Variants in CADM1 observed in about 807,000 individuals in gnomAD.
CADM1 encodes the protein cell adhesion molecule 1.
A neutral mutation model predicts 53.1 loss-of-function variants in CADM1; 15 were observed. The ratio of observed to expected loss-of-function variants is 0.28; its 90% CI spans 0.19 to 0.44. The LOEUF is 0.44. Ranked by LOEUF, CADM1 falls within the 20% of genes least tolerant of loss-of-function variation. The pLI is 1.00. For missense variants in CADM1, 434 were observed against 611.3 expected (o/e 0.71, Z 3.06); for synonymous variants, 281 against 243.0 (o/e 1.16, Z -1.45).
chr11:115,359,437 A>AC (rs1403298723), intron 1 of CADM1, among the ~76,000 whole-genome samples: 1 of 152,178 alleles, frequency 6.6e-6, no homozygotes, highest in East Asian at 1.9e-4. Flanking sequence ...TATAGTAGAT[A>AC]CCCCAATAAA....
chr11:115,254,430 T>C (rs1942707500), intron 1 of CADM1, among the ~76,000 whole-genome samples: 2 of 152,254 alleles, frequency 1.3e-5, no homozygotes, highest in Non-Finnish European at 2.9e-5. Flanking sequence ...CCAATACTTT[T>C]CGATATCTCG....
At chr11:115,184,137 T>C (rs1939435758) in intron 10 of CADM1, among the ~76,000 whole-genome samples, 1 of 151,968 alleles carries the variant, frequency 6.6e-6, no homozygotes, top group Admixed American at 6.5e-5. Context: ...TACTTCTTGC[T>C]AGGAAGAAAG....
At chr11:115,340,658 A>ATATATATATATATATATTTTTTT (rs60532835) in intron 1 of CADM1, among the ~76,000 whole-genome samples, 1 of 34,944 alleles carries the variant, frequency 2.9e-5, no homozygotes, top group African/African-American at 1.4e-4. Flanking sequence ...ATATATATAT[A>ATATATATATATATATATTTTTTT]TTTTTTTTTT....
chr11:115,171,816 T>A lies in CADM1; in HGVS notation c.*4658A>T, dbSNP rs1286516140. 1 of 152,218 alleles carries A rather than the reference T, an allele frequency of 6.6e-6. No homozygotes were observed. Among genetic ancestry groups the A allele is most frequent in the Non-Finnish European group, 1.5e-5 (1 of 68,064 alleles). The allele number at this position is 152,218 out of a possible 1,614,324, so 9.4% of individuals were successfully genotyped here. The stretch of plus-strand genomic sequence containing the variant: ...ACGTGGCTTGGAATAAGTCTGCTAA[T>A]GAATGGTGAAGAGAAAAGGGTCATT... On this transcript the variant is annotated 3_prime_UTR_variant, in exon 12 of 12. Coordinates refer to ENST00000331581, the MANE Select transcript of CADM1 (RefSeq NM_001301043.2).
intron 1 of CADM1, among the ~76,000 whole-genome samples, chr11:115,372,163 A>G (rs1393598830): frequency 6.6e-6 from 1 of 152,202 alleles, no homozygotes; most frequent in Non-Finnish European, 1.5e-5. Flanking sequence ...TGCCAAAAAA[A>G]GTCTGTACTC....
intron 1 of CADM1, among the ~76,000 whole-genome samples, chr11:115,481,152 C>T (rs1443545850): frequency 6.6e-6 from 1 of 152,186 alleles, no homozygotes; most frequent in Non-Finnish European, 1.5e-5. Flanking sequence ...CCAGTCAAGC[C>T]TCTTCAAACA....
Position 115,173,578 on chromosome 11 carries a change from C to T in CADM1, c.*2896G>A, listed in dbSNP as rs1040411557. 1.0e-4 allele frequency: 20 copies of T among 195,400 alleles called. No individual in the cohort carries two copies. Among genetic ancestry groups the T allele is most frequent in the African/African-American group, 4.7e-4 (20 of 42,410 alleles). The allele number at this position is 195,400 out of a possible 1,614,324, so 12.1% of individuals were successfully genotyped here. On this transcript the variant is annotated 3_prime_UTR_variant, in exon 12 of 12. Transcript: ENST00000331581. ...AGCTGGGACCAGAGGCCCATCTCTT[C>T]TCTCACTCGGAGGCGTCCATAAGAA... is the stretch of plus-strand genomic sequence containing the variant.
intron 1 of CADM1, among the ~76,000 whole-genome samples, chr11:115,318,206 C>A (rs1452803333): frequency 6.6e-6 from 1 of 152,146 alleles, no homozygotes; most frequent in Non-Finnish European, 1.5e-5. Context: ...TGCATCAATT[C>A]CCTTCCATCC....
chr11:115,377,095 T>C (rs1591760502), intron 1 of CADM1: 1 of 152,176 alleles, frequency 6.6e-6, no homozygotes, highest in Admixed American at 6.5e-5. Flanking sequence ...GGTAATTGCA[T>C]AGCTCATTAA....
chr11:115,197,015 G>A lies in CADM1; in HGVS notation c.1111+1391C>T, dbSNP rs147994569. 3.5e-3 allele frequency among the ~76,000 whole-genome samples: 538 copies of A among 152,328 alleles called. 3 individuals are homozygous for A. Among genetic ancestry groups the A allele is most frequent in the African/African-American group, 0.012 (507 of 41,594 alleles). ...TTTCTCATGACTGTCAGCACACCTA[G>A]CCCCTTTAAGTTATTTTATGAACTT... On this transcript the variant is annotated intron_variant, in intron 9 of 11. Transcript: ENST00000331581.
intron 1 of CADM1, among the ~76,000 whole-genome samples, chr11:115,433,830 T>C (rs978787572): frequency 2.0e-5 from 3 of 152,226 alleles, no homozygotes; most frequent in African/African-American, 4.8e-5. Context: ...GAGGACATTT[T>C]AGGATGCCTT....
intron 1 of CADM1, among the ~76,000 whole-genome samples, chr11:115,501,426 T>C (rs1277786886): frequency 6.6e-6 from 1 of 152,000 alleles, no homozygotes; most frequent in Non-Finnish European, 1.5e-5. Context: ...CCACCAGCCA[T>C]CTTCTCTAAT....
intron 6 of CADM1, among the ~76,000 whole-genome samples, chr11:115,215,516 C>G (rs1322103779): frequency 6.6e-6 from 1 of 152,168 alleles, no homozygotes; most frequent in Non-Finnish European, 1.5e-5. Flanking sequence ...TCCCCAAGCT[C>G]GTGGGTAGGG....
intron 3 of CADM1, among the ~76,000 whole-genome samples, chr11:115,232,805 A>G (rs1941867968): frequency 6.6e-6 from 1 of 152,228 alleles, no homozygotes; most frequent in Non-Finnish European, 1.5e-5. Context: ...ATCTAAGAAT[A>G]TATGTCCTGA....
At chr11:115,496,926 A>C (rs1949631791) in intron 1 of CADM1, among the ~76,000 whole-genome samples, 1 of 152,218 alleles carries the variant, frequency 6.6e-6, no homozygotes, top group African/African-American at 2.4e-5. Flanking sequence ...CAAATTTTTT[A>C]AACGTTAACT....
intron 1 of CADM1, among the ~76,000 whole-genome samples, chr11:115,241,968 CTT>C (rs753938722): frequency 1.2e-4 from 17 of 138,428 alleles, no homozygotes; most frequent in Non-Finnish European, 1.4e-4. Context: ...TTGAAGGATC[CTT>C]TTTTTTTTTT....
chr11:115,219,221 A>G (rs1941311859), intron 5 of CADM1, among the ~76,000 whole-genome samples: 1 of 152,188 alleles, frequency 6.6e-6, no homozygotes, highest in South Asian at 2.1e-4. Context: ...CATTCATCCT[A>G]TGGAATAAGG....
At chr11:115,262,914 T>C (rs1460463277) in intron 1 of CADM1, among the ~76,000 whole-genome samples, 2 of 152,134 alleles carry the variant, frequency 1.3e-5, no homozygotes, top group African/African-American at 2.4e-5. Flanking sequence ...AATGTTAACA[T>C]CTTATTTAGC....
intron 10 of CADM1, among the ~76,000 whole-genome samples, chr11:115,190,193 A>G (rs1353672705): frequency 1.3e-5 from 2 of 152,224 alleles, no homozygotes; most frequent in Admixed American, 6.5e-5. Flanking sequence ...CCACAACATC[A>G]TGGAAGCTCA....
Sources: allele counts gnomAD v4.1 joint callset (sites outside exome capture counted in the v4.1 genomes callset), GRCh38; gene constraint gnomAD v4.1.1; transcripts MANE v1.5; gene names NCBI Gene and HGNC (gene_info 2026-07-23, HGNC 2026-07-21).